The following RERE variants were observed in gnomAD, a reference collection of about 807,000 sequenced individuals.
The protein encoded by RERE is arginine-glutamic acid dipeptide repeats.
A neutral mutation model predicts 146.1 loss-of-function variants in RERE; 40 were observed. The observed-to-expected ratio is 0.27, with a 90% CI of 0.21 to 0.36. The LOEUF (loss-of-function observed/expected upper bound fraction) is 0.36. RERE is among the 10% of genes least tolerant of loss of function. The pLI, the probability that RERE is intolerant of heterozygous loss-of-function variation, is 1.00. For missense variants in RERE, 1,933 were observed against 2,138.7 expected, an observed-to-expected ratio of 0.90 and a Z score of 1.90; for synonymous variants, 1,003 against 866.0, an observed-to-expected ratio of 1.16 and a Z score of -2.78.
chr1:8,355,405 G>A lies in RERE; in HGVS notation c.4667+14C>T. ...CAGATAACCCCTCCACTCCCTCCCA[G>A]CACCCCACCTCACCTGTAATAATCT... On this transcript the variant is annotated intron_variant, in intron 22 of 22. Transcript: ENST00000400908. The A allele has an allele frequency of 6.2e-7, 1 of 1,611,114 alleles. No individual in the cohort carries two copies. The highest frequency in any genetic ancestry group is 8.5e-7 in the Non-Finnish European group (1 of 1,179,624).
intron 1 of RERE, chr1:8,796,761 C>T (rs920842942): frequency 1.3e-5 from 2 of 151,376 alleles, no homozygotes; most frequent in Non-Finnish European, 1.5e-5. Flanking sequence ...TAATGAAATA[C>T]GAAGGGTTAA....
chr1:8,706,786 G>A (rs576572246), intron 1 of RERE, among the ~76,000 whole-genome samples: 9 of 152,232 alleles, frequency 5.9e-5, no homozygotes, highest in Non-Finnish European at 1.0e-4. Context: ...AATGGTGGGT[G>A]TACTCCTCAA....
chr1:8,593,508 T>C (rs1434160024), intron 4 of RERE, among the ~76,000 whole-genome samples: 2 of 152,176 alleles, frequency 1.3e-5, no homozygotes, highest in East Asian at 3.8e-4. Flanking sequence ...TTTGCCTCCT[T>C]ATTTGCCATG....
intron 6 of RERE, among the ~76,000 whole-genome samples, chr1:8,545,579 T>G (rs1436867534): frequency 6.6e-6 from 1 of 152,064 alleles, no homozygotes; most frequent in East Asian, 1.9e-4. Context: ...ACACACAGAA[T>G]GTTTACAGTA....
intron 4 of RERE, 49 bp from the exon 5 acceptor site, chr1:8,557,572 C>G (rs1334166125): frequency 8.1e-7 from 1 of 1,240,648 alleles, no homozygotes; most frequent in South Asian, 1.2e-5. Flanking sequence ...CAGGTGGCCA[C>G]AAGTGCATAT....
intron 1 of RERE, among the ~76,000 whole-genome samples, chr1:8,780,625 C>T (rs1464404517): frequency 1.3e-5 from 2 of 152,090 alleles, no homozygotes; most frequent in Non-Finnish European, 2.9e-5. Context: ...TGATTTCACC[C>T]GCTGGAAATA....
At chr1:8,445,976 T>A (rs900539688) in intron 11 of RERE, among the ~76,000 whole-genome samples, 2 of 152,164 alleles carry the variant, frequency 1.3e-5, no homozygotes, top group Non-Finnish European at 2.9e-5. Context: ...TCTTTACAAT[T>A]TGGCATGTTT....
At chr1:8,628,588 A>C (rs902715792) in intron 2 of RERE, among the ~76,000 whole-genome samples, 1 of 152,210 alleles carries the variant, frequency 6.6e-6, no homozygotes, top group Admixed American at 6.5e-5. Flanking sequence ...TACTCTTAAA[A>C]ATATTCAAAA....
chr1:8,396,899 T>A (rs1047411177), intron 12 of RERE, among the ~76,000 whole-genome samples: 4 of 152,194 alleles, frequency 2.6e-5, no homozygotes, highest in Non-Finnish European at 4.4e-5. Flanking sequence ...TTCAACAGCA[T>A]CTTTGCATTT....
intron 12 of RERE, among the ~76,000 whole-genome samples, chr1:8,415,061 T>C (rs1430675837): frequency 6.6e-6 from 1 of 152,212 alleles, no homozygotes; most frequent in Non-Finnish European, 1.5e-5. Context: ...TTTTGAAACT[T>C]AGTTTTAATG....
intron 11 of RERE, among the ~76,000 whole-genome samples, chr1:8,436,337 T>A (rs1644169657): frequency 1.3e-5 from 2 of 151,896 alleles, no homozygotes; most frequent in South Asian, 4.2e-4. Flanking sequence ...AAATAAAAAA[T>A]AAATAAAATA....
At chr1:8,708,761 A>G (rs545867937) in intron 1 of RERE, among the ~76,000 whole-genome samples, 3 of 151,974 alleles carry the variant, frequency 2.0e-5, no homozygotes, top group African/African-American at 4.8e-5. Flanking sequence ...AGTCCACTAA[A>G]CCTCTTTTCT....
In RERE at chr1:8,563,419, C is replaced by T. The variant is rs149631440; in HGVS notation, c.523-5896G>A. 2.9e-3 allele frequency among the ~76,000 whole-genome samples: 444 copies of T among 152,226 alleles called. 2 individuals are homozygous for T. The highest frequency in any genetic ancestry group is 0.01 in the African/African-American group (423 of 41,512). ...AACAACTGTAAATTCACCTACGATA[C>T]AGAGGAAAGAGCTTCTTTGTCCCAC... On this transcript the variant is annotated intron_variant, in intron 4 of 22. Coordinates refer to ENST00000400908, the MANE Select transcript of RERE (RefSeq NM_001042681.2).
rs773481976 is a variant in RERE at position 8,356,265 on chromosome 1, G to A, written c.4340-19C>T. ...GCTGAACCTAAGGAAAGGACAAAAC[G>A]CCAGATGGAGGCGGTGTGCAGCTCT... On this transcript the variant is annotated intron_variant, in intron 20 of 22. Coordinates refer to ENST00000400908, the MANE Select transcript of RERE (RefSeq NM_001042681.2). The surrounding 1 kb of genome is among the most constrained non-coding windows in gnomAD (Gnocchi z 5.2). The A allele has an allele frequency of 6.0e-6, 9 of 1,511,834 alleles. No individual in the cohort carries two copies. Among genetic ancestry groups the A allele is most frequent in the South Asian group, 1.3e-5 (1 of 75,378 alleles). 93.7% of individuals were successfully genotyped at this position (1,511,834 alleles called of 1,614,324 possible). A position where few individuals can be genotyped will look rare whatever the true frequency, so the allele number is the denominator to read the frequency against.
intron 1 of RERE, among the ~76,000 whole-genome samples, chr1:8,736,866 A>AC (rs1199916823): frequency 6.6e-6 from 1 of 151,918 alleles, no homozygotes; most frequent in African/African-American, 2.4e-5. Context: ...AAAAAAAAAA[A>AC]AAAAAAAAAC....
intron 1 of RERE, among the ~76,000 whole-genome samples, chr1:8,784,754 C>T (rs1052086137): frequency 1.3e-5 from 2 of 152,136 alleles, no homozygotes; most frequent in African/African-American, 4.8e-5. Flanking sequence ...CAAAAACACT[C>T]ATACTATGAC....
intron 1 of RERE, among the ~76,000 whole-genome samples, chr1:8,802,182 C>A (rs993870751): frequency 6.6e-6 from 1 of 152,170 alleles, no homozygotes; most frequent in Non-Finnish European, 1.5e-5. Context: ...ATGATCCCAA[C>A]CTATCTTTCC....
chr1:8,734,508 C>G (rs1640154698), intron 1 of RERE, among the ~76,000 whole-genome samples: 2 of 152,180 alleles, frequency 1.3e-5, no homozygotes, highest in South Asian at 2.1e-4. Context: ...ATCTACCAAG[C>G]AGGCTCATGA....
At chr1:8,581,674 G>GC (rs1646367511) in intron 4 of RERE, among the ~76,000 whole-genome samples, 1 of 152,118 alleles carries the variant, frequency 6.6e-6, no homozygotes, top group Non-Finnish European at 1.5e-5. Flanking sequence ...AGTTGTTCCA[G>GC]CCCATTTATT....
Sources: gnomAD v4.1 joint callset for allele counts (sites outside exome capture counted in the v4.1 genomes callset) on GRCh38, gnomAD v4.1.1 for gene constraint, Gnocchi (gnomAD v3.1) non-coding constraint, MANE v1.5 for transcripts, NCBI Gene and HGNC (gene_info 2026-07-23, HGNC 2026-07-21) for gene names.